SP4: variants seen among roughly 807,000 people sequenced by gnomAD.
SP4 encodes transcription factor Sp4.
In SP4, 19 loss-of-function variants were observed where a neutral mutation model predicts 72.8. The ratio of observed to expected loss-of-function variants is 0.26; its 90% CI spans 0.18 to 0.38. SP4 has a LOEUF of 0.38. Among genes scored for constraint, SP4 ranks in the 10% least tolerant of loss-of-function variants. The pLI is 1.00. For missense variants in SP4, 1,008 were observed against 926.3 expected, an observed-to-expected ratio of 1.09 and a Z score of -1.14; for synonymous variants, 395 against 333.1, an observed-to-expected ratio of 1.19 and a Z score of -2.02.
chr7:21,458,893 C>T lies in SP4; in HGVS notation c.1679-18186C>T, dbSNP rs555157932. Reference sequence around the variant, plus strand: ...TTGCTCAATTTGCTGTTTAGAGATGCAGCTTAAAATAGCCATCTATGGAGT... The same window carrying T: ...TTGCTCAATTTGCTGTTTAGAGATGTAGCTTAAAATAGCCATCTATGGAGT... On this transcript the variant is annotated intron_variant, in intron 3 of 5. Coordinates refer to ENST00000222584, the MANE Select transcript of SP4 (RefSeq NM_003112.5). 2.0e-5 allele frequency among the ~76,000 whole-genome samples: 3 copies of T among 152,188 alleles called. No individual in the cohort carries two copies. In the South Asian group the frequency reaches 6.2e-4, roughly 32 times the overall value.
At chr7:21,437,105 TA>T (rs1226383441) in intron 3 of SP4, among the ~76,000 whole-genome samples, 2 of 152,190 alleles carry the variant, frequency 1.3e-5, no homozygotes, top group African/African-American at 4.8e-5. Flanking sequence ...TGCTGCATGG[TA>T]AAAAGTGTCA....
At chr7:21,447,744 C>T (rs532975863) in intron 3 of SP4, among the ~76,000 whole-genome samples, 2 of 152,116 alleles carry the variant, frequency 1.3e-5, no homozygotes, top group African/African-American at 4.8e-5. Context: ...AATGCAGTGG[C>T]GTGATCTCAG....
At chr7:21,467,307 A>G (rs1184885621) in intron 3 of SP4, among the ~76,000 whole-genome samples, 1 of 152,126 alleles carries the variant, frequency 6.6e-6, no homozygotes, top group East Asian at 1.9e-4. Flanking sequence ...CAAAAGTAGA[A>G]TTAAAAAAAA....
chr7:21,483,160 A>C lies in SP4; in HGVS notation c.2107+1037A>C, dbSNP rs572322900. On this transcript the variant is annotated intron_variant, in intron 5 of 5. Transcript: ENST00000222584. ...CAATCTAAAATTGTTTCTTATTTTA[A>C]AAATTTGTGTTTTTCATGGTTATCC... 4.1e-4 allele frequency among the ~76,000 whole-genome samples: 63 copies of C among 152,198 alleles called. No homozygotes were observed. In the South Asian group the frequency reaches 6.0e-3, roughly 15 times the overall value.
intron 3 of SP4, among the ~76,000 whole-genome samples, chr7:21,459,116 ATTGTT>A (rs3835335): frequency 2.7e-4 from 41 of 150,674 alleles, no homozygotes; most frequent in Admixed American, 3.3e-4. Context: ...TGTTTTGGGA[ATTGTT>A]TTGTTTTGTT....
At chr7:21,437,278 G>A (rs561832432) in intron 3 of SP4, among the ~76,000 whole-genome samples, 1 of 152,278 alleles carries the variant, frequency 6.6e-6, no homozygotes, top group Non-Finnish European at 1.5e-5. Context: ...GCCACTATGG[G>A]TTCACTAAGA....
At chr7:21,456,021 A>C (rs1175727947) in intron 3 of SP4, among the ~76,000 whole-genome samples, 1 of 152,204 alleles carries the variant, frequency 6.6e-6, no homozygotes, top group Non-Finnish European at 1.5e-5. Flanking sequence ...AATGGAGGCT[A>C]CAGGAGGAAG....
chr7:21,451,156 C>T (rs953030117), intron 3 of SP4, among the ~76,000 whole-genome samples: 3 of 152,116 alleles, frequency 2.0e-5, no homozygotes, highest in Non-Finnish European at 2.9e-5. Flanking sequence ...GCTGTTTTTT[C>T]CCTTACCAGT....
At chr7:21,497,146 C>T (rs1246635937) in intron 5 of SP4, among the ~76,000 whole-genome samples, 4 of 152,230 alleles carry the variant, frequency 2.6e-5, no homozygotes, top group African/African-American at 9.6e-5. Flanking sequence ...CATGCCCTGC[C>T]TTACATCTGG....
chr7:21,462,107 C>T (rs978057933), intron 3 of SP4, among the ~76,000 whole-genome samples: 1 of 148,262 alleles, frequency 6.7e-6, no homozygotes, highest in African/African-American at 2.5e-5. Context: ...CTTGCTGCAA[C>T]CTCCACCTCC....
chr7:21,445,040 T>C (rs1032603026), intron 3 of SP4, among the ~76,000 whole-genome samples: 17 of 152,164 alleles, frequency 1.1e-4, no homozygotes, highest in African/African-American at 4.1e-4. Flanking sequence ...ACTGTGTTGA[T>C]TGGGAATTTG....
intron 5 of SP4, among the ~76,000 whole-genome samples, chr7:21,494,602 T>A (rs943978855): frequency 1.3e-4 from 19 of 151,902 alleles, no homozygotes; most frequent in Non-Finnish European, 2.2e-4. Flanking sequence ...AGCTAAAAAC[T>A]AAAACATTGA....
chr7:21,428,789 C>T lies in SP4; in HGVS notation c.120C>T (p.Ser40=), dbSNP rs1178382271. The change falls in exon 2 of 6, where the codon TCC becomes TCT. Residue 40 remains serine, a synonymous_variant. Transcript: ENST00000222584. ...ATAAAAAACCCAAAACCTCAGGCTC[C>T]CAGGTAAAAGCAAACAAATTAAAAA... ...NNNKKPKTSG[S]QDSQPSPLAL... 6.5e-7 allele frequency: 1 copy of T among 1,548,708 alleles called. No homozygotes were observed. Among genetic ancestry groups the T allele is most frequent in the African/African-American group, 1.4e-5 (1 of 72,662 alleles).
At chr7:21,498,840 C>G (rs998925854) in intron 5 of SP4, among the ~76,000 whole-genome samples, 14 of 152,064 alleles carry the variant, frequency 9.2e-5, no homozygotes, top group African/African-American at 3.1e-4. Context: ...AATCCCAGCA[C>G]TATGGGAGGC....
chr7:21,433,244 A>G (rs896856235), intron 3 of SP4, among the ~76,000 whole-genome samples: 1 of 152,170 alleles, frequency 6.6e-6, no homozygotes, highest in African/African-American at 2.4e-5. Flanking sequence ...CACTTAAAGG[A>G]TTTACATGAT....
At chr7:21,438,228 G>C (rs1783114532) in intron 3 of SP4, among the ~76,000 whole-genome samples, 1 of 152,076 alleles carries the variant, frequency 6.6e-6, no homozygotes, top group African/African-American at 2.4e-5. Context: ...TATAAACTCT[G>C]AGTCTTCTTC....
At chr7:21,437,915 A>G (rs1783101036) in intron 3 of SP4, among the ~76,000 whole-genome samples, 1 of 152,186 alleles carries the variant, frequency 6.6e-6, no homozygotes, top group African/African-American at 2.4e-5. Context: ...AATGTGGAAA[A>G]CATTTCGTAC....
chr7:21,509,392 A>G (rs766898505), intron 5 of SP4, among the ~76,000 whole-genome samples: 19 of 151,762 alleles, frequency 1.3e-4, no homozygotes, highest in African/African-American at 4.1e-4. Flanking sequence ...AGATTTGTCT[A>G]TTCTCTCTTT....
intron 5 of SP4, among the ~76,000 whole-genome samples, chr7:21,498,902 G>T (rs916525543): frequency 1.3e-5 from 2 of 151,832 alleles, no homozygotes; most frequent in Admixed American, 1.3e-4. Flanking sequence ...TGGCTAACAC[G>T]GTGAAACCCT....
Sources: gnomAD v4.1 joint callset for allele counts (sites outside exome capture counted in the v4.1 genomes callset) on GRCh38, gnomAD v4.1.1 for gene constraint, MANE v1.5 for transcripts, NCBI Gene and HGNC (gene_info 2026-07-23, HGNC 2026-07-21) for gene names.